Variants in ZNF804A observed in about 807,000 individuals in gnomAD.
The protein encoded by ZNF804A is zinc finger protein 804A.
In ZNF804A, 2 loss-of-function variants were observed where a neutral mutation model predicts 16.5. The ratio of observed to expected loss-of-function variants is 0.12; its 90% CI spans 0.05 to 0.38. ZNF804A has a LOEUF of 0.38. Ranked by LOEUF, ZNF804A falls within the 10% of genes least tolerant of loss-of-function variation. The pLI is 0.99. For missense variants in ZNF804A, 1,473 were observed against 1,390.7 expected (o/e 1.06, Z -0.94); for synonymous variants, 534 against 489.6 (o/e 1.09, Z -1.20).
chr2:184,848,102 G>A (rs534737006), intron 1 of ZNF804A, among the ~76,000 whole-genome samples: 6 of 151,998 alleles, frequency 3.9e-5, no homozygotes, highest in African/African-American at 1.4e-4. Flanking sequence ...CCCTGTTAGA[G>A]GTTTGGGAGT....
intron 2 of ZNF804A, among the ~76,000 whole-genome samples, chr2:184,906,231 C>A (rs1293508327): frequency 6.6e-6 from 1 of 152,142 alleles, no homozygotes; most frequent in African/African-American, 2.4e-5. Flanking sequence ...ACAATATAAT[C>A]TAAGCATTTG....
chr2:184,620,039 C>T (rs1269548294), intron 1 of ZNF804A, among the ~76,000 whole-genome samples: 1 of 151,572 alleles, frequency 6.6e-6, no homozygotes, highest in Non-Finnish European at 1.5e-5. Flanking sequence ...TATTTTATAT[C>T]ACAAAATTAT....
chr2:184,832,624 ATCT>A (rs1193564710), intron 1 of ZNF804A, among the ~76,000 whole-genome samples: 3 of 151,890 alleles, frequency 2.0e-5, no homozygotes, highest in African/African-American at 7.2e-5. Context: ...TTTATGAAAG[ATCT>A]TCTCTTATTT....
At chr2:184,855,262 G>T (rs986726301) in intron 1 of ZNF804A, among the ~76,000 whole-genome samples, 11 of 152,168 alleles carry the variant, frequency 7.2e-5, no homozygotes, top group African/African-American at 2.6e-4. Flanking sequence ...TGTCCTCAGT[G>T]TTTTCGGGGA....
At chr2:184,927,953 A>T (rs1685635135) in intron 2 of ZNF804A, among the ~76,000 whole-genome samples, 1 of 151,882 alleles carries the variant, frequency 6.6e-6, no homozygotes, top group Admixed American at 6.6e-5. Flanking sequence ...ACCCCAAGAG[A>T]TCATTTGGTG....
intron 2 of ZNF804A, among the ~76,000 whole-genome samples, chr2:184,909,550 T>A (rs899949342): frequency 4.6e-5 from 7 of 152,054 alleles, no homozygotes; most frequent in Non-Finnish European, 1.0e-4. Context: ...ATATTCCAAC[T>A]TTAAACTAGT....
chr2:184,935,925 A>G lies in ZNF804A; in HGVS notation c.529A>G (p.Thr177Ala), dbSNP rs535274322. 1.7e-5 allele frequency: 27 copies of G among 1,613,990 alleles called. No individual in the cohort carries two copies. The highest frequency in any genetic ancestry group is 2.2e-5 in the Non-Finnish European group (26 of 1,179,918). ...KYTLIHSEEN[T>A]KDATTVAEDP... ...TACTTTGATTCATAGTGAAGAGAAT[A>G]CTAAAGATGCTACCACTGTTGCTGA... is the stretch of plus-strand genomic sequence containing the variant. The change falls in exon 4 of 4, where the codon ACT (threonine) becomes GCT (alanine). Residue 177 changes from threonine (T) to alanine (A), a missense_variant. Thr to Ala is a moderately conservative substitution (Grantham distance 58). Coordinates refer to ENST00000302277, the MANE Select transcript of ZNF804A (RefSeq NM_194250.2).
chr2:184,747,383 T>C (rs1693806385), intron 1 of ZNF804A, among the ~76,000 whole-genome samples: 2 of 146,002 alleles, frequency 1.4e-5, no homozygotes, highest in Admixed American at 1.4e-4. Context: ...AATGTACAGA[T>C]GTTCTCAAAA....
intron 2 of ZNF804A, among the ~76,000 whole-genome samples, chr2:184,894,582 A>G (rs1452869441): frequency 6.6e-6 from 1 of 151,910 alleles, no homozygotes; most frequent in Non-Finnish European, 1.5e-5. Flanking sequence ...ATTACCCTTG[A>G]TCTCTAATAC....
chr2:184,698,154 T>C (rs535580799), intron 1 of ZNF804A, among the ~76,000 whole-genome samples: 14 of 152,146 alleles, frequency 9.2e-5, no homozygotes, highest in African/African-American at 1.4e-4. Context: ...GGCACCTAAG[T>C]CTTTTAGAAG....
At chr2:184,758,136 C>G (rs1693986334) in intron 1 of ZNF804A, among the ~76,000 whole-genome samples, 1 of 151,916 alleles carries the variant, frequency 6.6e-6, no homozygotes, top group South Asian at 2.1e-4. Context: ...TTTGACATCT[C>G]TTTTGCATAT....
chr2:184,873,576 T>C (rs1415892871), intron 2 of ZNF804A, among the ~76,000 whole-genome samples: 1 of 152,110 alleles, frequency 6.6e-6, no homozygotes. Context: ...GAATTTGTAA[T>C]AACATAAAAA....
chr2:184,765,495 A>G (rs1205184466), intron 1 of ZNF804A, among the ~76,000 whole-genome samples: 1 of 152,120 alleles, frequency 6.6e-6, no homozygotes, highest in Non-Finnish European at 1.5e-5. Flanking sequence ...GTAGAAATGC[A>G]CTGTGAAAAT....
intron 1 of ZNF804A, 81 bp from the exon 2 acceptor site, chr2:184,866,288 G>T: frequency 7.6e-7 from 1 of 1,320,654 alleles, no homozygotes; most frequent in South Asian, 1.3e-5. Flanking sequence ...TCTAATTATT[G>T]TACTATAGTT....
At chr2:184,828,142 T>A (rs189028212) in intron 1 of ZNF804A, among the ~76,000 whole-genome samples, 1 of 151,944 alleles carries the variant, frequency 6.6e-6, no homozygotes, top group South Asian at 2.1e-4. Context: ...TTTTATACAA[T>A]ATTTTATTTA....
intron 1 of ZNF804A, among the ~76,000 whole-genome samples, chr2:184,623,488 G>T (rs1377264055): frequency 2.0e-5 from 3 of 151,968 alleles, no homozygotes; most frequent in South Asian, 4.1e-4. Flanking sequence ...TTAAGGGTGG[G>T]TCACATTTTT....
At chr2:184,634,967 A>G (rs992791337) in intron 1 of ZNF804A, among the ~76,000 whole-genome samples, 2 of 116,660 alleles carry the variant, frequency 1.7e-5, no homozygotes, top group Non-Finnish European at 4.0e-5. Flanking sequence ...TATTTTTTTA[A>G]AAAAATAAAA....
intron 1 of ZNF804A, among the ~76,000 whole-genome samples, chr2:184,752,850 G>A (rs973656198): frequency 6.6e-5 from 10 of 151,178 alleles, no homozygotes; most frequent in South Asian, 2.1e-4. Context: ...AATGATCAAC[G>A]GGCACATTAA....
chr2:184,837,296 G>A (rs1387133142), intron 1 of ZNF804A, among the ~76,000 whole-genome samples: 1 of 152,062 alleles, frequency 6.6e-6, no homozygotes, highest in Non-Finnish European at 1.5e-5. Context: ...ACAAAGAAGA[G>A]AGTGGCCACC....
Sources: gnomAD v4.1 joint callset for allele counts (sites outside exome capture counted in the v4.1 genomes callset) on GRCh38, gnomAD v4.1.1 for gene constraint, MANE v1.5 for transcripts, NCBI Gene and HGNC (gene_info 2026-07-23, HGNC 2026-07-21) for gene names.